GRIK4: variants seen among roughly 807,000 people sequenced by gnomAD.
GRIK4 encodes glutamate receptor ionotropic, kainate 4.
GRIK4 carries 40 observed loss-of-function variants against 104.9 expected under a neutral mutation model. That is an observed-to-expected ratio of 0.38 (90% CI 0.30 to 0.50). The LOEUF is 0.50. GRIK4 is among the 20% of genes least tolerant of loss of function. GRIK4 has a pLI of 0.93. For missense variants in GRIK4, 1,047 were observed against 1,308.1 expected, an observed-to-expected ratio of 0.80 and a Z score of 3.08; for synonymous variants, 485 against 524.9, an observed-to-expected ratio of 0.92 and a Z score of 1.04.
intron 3 of GRIK4, among the ~76,000 whole-genome samples, chr11:120,753,644 T>C (rs1436562639): frequency 6.6e-6 from 1 of 152,184 alleles, no homozygotes; most frequent in Non-Finnish European, 1.5e-5. Flanking sequence ...TGAGTAGTTA[T>C]TCTACATCCA....
intron 3 of GRIK4, among the ~76,000 whole-genome samples, chr11:120,682,451 C>T (rs1950209492): frequency 6.6e-6 from 1 of 152,144 alleles, no homozygotes; most frequent in Non-Finnish European, 1.5e-5. Context: ...ATTTGCAGCT[C>T]TTGATGCTTT....
Position 120,831,747 on chromosome 11 carries a change from C to T in GRIK4, c.512-105C>T, listed in dbSNP as rs146885383. The T allele has an allele frequency of 2.7e-3, 2,133 of 795,452 alleles. 32 individuals carry two copies. In the African/African-American group the frequency reaches 0.033, roughly 12 times the overall value. The allele number at this position is 795,452 out of a possible 1,614,324, so 49.3% of individuals were successfully genotyped here. A position where few individuals can be genotyped will look rare whatever the true frequency, so the allele number is the denominator to read the frequency against. ...ATGCTGTCAGTGGGGCCAGACCCCC[C>T]GACCCCACTTCCAGCCCACATCTCC... On this transcript the variant is annotated intron_variant, in intron 6 of 20. Transcript: ENST00000527524.
chr11:120,737,546 G>C (rs1951247854), intron 3 of GRIK4, among the ~76,000 whole-genome samples: 1 of 152,214 alleles, frequency 6.6e-6, no homozygotes. Flanking sequence ...CAGACTGGGA[G>C]AAATTCCATT....
At chr11:120,887,251 C>T (rs925957862) in intron 11 of GRIK4, among the ~76,000 whole-genome samples, 5 of 152,298 alleles carry the variant, frequency 3.3e-5, no homozygotes, top group Admixed American at 1.3e-4. Context: ...TCAGTGGCCA[C>T]CTGCCTCACC....
chr11:120,977,550 C>T (rs1291907335), intron 19 of GRIK4, among the ~76,000 whole-genome samples: 1 of 152,218 alleles, frequency 6.6e-6, no homozygotes, highest in East Asian at 1.9e-4. Context: ...TCTGACTCTG[C>T]CAGCAATCTA....
chr11:120,809,824 G>T (rs551138276), intron 4 of GRIK4, among the ~76,000 whole-genome samples: 2 of 152,296 alleles, frequency 1.3e-5, no homozygotes, highest in South Asian at 4.1e-4. Flanking sequence ...CCATCACTTC[G>T]GGAGGCTGAA....
chr11:120,858,819 G>T (rs1954187732), intron 8 of GRIK4: 1 of 152,186 alleles, frequency 6.6e-6, no homozygotes, highest in African/African-American at 2.4e-5. Context: ...AAAGTCTTAA[G>T]TTTAGATAAA....
intron 19 of GRIK4, among the ~76,000 whole-genome samples, chr11:120,968,524 T>A (rs1225749075): frequency 6.6e-6 from 1 of 152,244 alleles, no homozygotes; most frequent in East Asian, 1.9e-4. Flanking sequence ...AGTGAATGAA[T>A]AACTATGTGA....
At chr11:120,536,262 A>G (rs1232513289) in intron 1 of GRIK4, among the ~76,000 whole-genome samples, 1 of 152,260 alleles carries the variant, frequency 6.6e-6, no homozygotes, top group Non-Finnish European at 1.5e-5. Flanking sequence ...AACACAAAAG[A>G]GGAGCTCGCG....
At chr11:120,736,397 GT>G in intron 3 of GRIK4, among the ~76,000 whole-genome samples, 1 of 152,196 alleles carries the variant, frequency 6.6e-6, no homozygotes, top group East Asian at 1.9e-4. Context: ...GCTGAGTGGG[GT>G]TGGGGGACCA....
intron 3 of GRIK4, among the ~76,000 whole-genome samples, chr11:120,661,925 C>T (rs1028333917): frequency 2.0e-5 from 3 of 152,234 alleles, no homozygotes; most frequent in African/African-American, 7.2e-5. Flanking sequence ...TGCTTAGCAG[C>T]AATGCAAAAC....
intron 3 of GRIK4, among the ~76,000 whole-genome samples, chr11:120,726,488 G>C (rs1476326228): frequency 6.6e-6 from 1 of 152,200 alleles, no homozygotes; most frequent in South Asian, 2.1e-4. Context: ...GTATTTTGGA[G>C]ATAGAATACT....
At chr11:120,950,134 A>G (rs895824202) in intron 14 of GRIK4, among the ~76,000 whole-genome samples, 8 of 152,200 alleles carry the variant, frequency 5.3e-5, no homozygotes, top group African/African-American at 1.9e-4. Context: ...TAGAGACAGC[A>G]TGGATTTAGC....
intron 3 of GRIK4, among the ~76,000 whole-genome samples, chr11:120,740,216 C>A (rs1164150071): frequency 6.6e-6 from 1 of 152,220 alleles, no homozygotes; most frequent in Non-Finnish European, 1.5e-5. Flanking sequence ...CTGTACTCTA[C>A]AATCGACAAC....
At chr11:120,811,067 A>G (rs897391492) in intron 4 of GRIK4, among the ~76,000 whole-genome samples, 1 of 152,166 alleles carries the variant, frequency 6.6e-6, no homozygotes. Context: ...AGAGATAGCC[A>G]TTTGGGAACA....
intron 1 of GRIK4, among the ~76,000 whole-genome samples, chr11:120,640,114 G>C (rs1268896059): frequency 6.6e-6 from 1 of 152,156 alleles, no homozygotes; most frequent in Non-Finnish European, 1.5e-5. Flanking sequence ...AAGAACTTGG[G>C]GCAAGTCCAT....
chr11:120,749,524 G>A (rs1017800524), intron 3 of GRIK4, among the ~76,000 whole-genome samples: 2 of 152,234 alleles, frequency 1.3e-5, no homozygotes, highest in East Asian at 1.9e-4. Flanking sequence ...AATCCGTAGA[G>A]CTTTCCAGGC....
At chr11:120,803,583 G>C (rs1172745075) in intron 4 of GRIK4, among the ~76,000 whole-genome samples, 8 of 152,068 alleles carry the variant, frequency 5.3e-5, no homozygotes, top group Admixed American at 5.2e-4. Context: ...GATTACAGGG[G>C]TGTGCCACCA....
At chr11:120,839,866 G>A (rs1953670410) in intron 8 of GRIK4, among the ~76,000 whole-genome samples, 2 of 152,198 alleles carry the variant, frequency 1.3e-5, no homozygotes, top group Admixed American at 1.3e-4. Flanking sequence ...CAAGAATTGG[G>A]ACAAAATTAT....
Sources: allele counts gnomAD v4.1 joint callset (sites outside exome capture counted in the v4.1 genomes callset), GRCh38; gene constraint gnomAD v4.1.1; transcripts MANE v1.5; gene names NCBI Gene and HGNC (gene_info 2026-07-23, HGNC 2026-07-21).